Variants in PCSK2 observed in about 807,000 individuals in gnomAD.
The protein encoded by PCSK2 is proprotein convertase subtilisin/kexin type 2, also known as neuroendocrine convertase 2.
A neutral mutation model predicts 69.7 loss-of-function variants in PCSK2; 14 were observed. The ratio of observed to expected loss-of-function variants is 0.20; its 90% CI spans 0.13 to 0.31. The LOEUF is 0.31. Among genes scored for constraint, PCSK2 ranks in the 10% least tolerant of loss-of-function variants. The pLI is 1.00. For synonymous variants in PCSK2, 307 were observed against 320.7 expected, an observed-to-expected ratio of 0.96 and a Z score of 0.46; for missense variants, 544 against 842.5, an observed-to-expected ratio of 0.65 and a Z score of 4.39.
chr20:17,402,730 G>A (rs2123291373), intron 5 of PCSK2, among the ~76,000 whole-genome samples: 1 of 151,480 alleles, frequency 6.6e-6, no homozygotes, highest in East Asian at 1.9e-4. Context: ...CAAGGCGGGT[G>A]GATCACGAGG....
intron 2 of PCSK2, among the ~76,000 whole-genome samples, chr20:17,328,347 C>T (rs1020394880): frequency 2.7e-5 from 4 of 148,702 alleles, no homozygotes; most frequent in Admixed American, 6.7e-5. Flanking sequence ...GTTACACATA[C>T]CATATGCAAT....
intron 4 of PCSK2, among the ~76,000 whole-genome samples, chr20:17,363,853 A>T (rs1568619208): frequency 6.6e-6 from 1 of 152,236 alleles, no homozygotes; most frequent in Non-Finnish European, 1.5e-5. Context: ...TGGTATTATT[A>T]TAATCGCCAT....
rs141243999 is a variant in PCSK2 at position 17,436,221 on chromosome 20, G to A, written c.710-487G>A. On this transcript the variant is annotated intron_variant, in intron 7 of 11. Transcript: ENST00000262545. ...GAGTTCCTCTTTCCTGACCCCACCCGCTCCTGCACTGCCCCTGCCCCTCTC... is the reference window on the plus strand; with the variant it reads ...GAGTTCCTCTTTCCTGACCCCACCCACTCCTGCACTGCCCCTGCCCCTCTC... 4.6e-3 allele frequency among the ~76,000 whole-genome samples: 705 copies of A among 152,030 alleles called. 15 individuals carry two copies. Among genetic ancestry groups the A allele is most frequent in the East Asian group, 0.035 (178 of 5,154 alleles).
chr20:17,381,652 A>G (rs1003353757), intron 5 of PCSK2, among the ~76,000 whole-genome samples: 1 of 152,208 alleles, frequency 6.6e-6, no homozygotes. Flanking sequence ...CATATGGCTG[A>G]TATGAACACT....
At chr20:17,411,228 C>A (rs1285144862) in intron 6 of PCSK2, among the ~76,000 whole-genome samples, 1 of 152,196 alleles carries the variant, frequency 6.6e-6, no homozygotes, top group Admixed American at 6.5e-5. Context: ...CTCATTGGGA[C>A]TAGTTGGACA....
At chr20:17,238,543 T>A (rs77003882) in intron 1 of PCSK2, among the ~76,000 whole-genome samples, 1,964 of 152,276 alleles carry the variant, frequency 0.013, 44 homozygotes, top group East Asian at 0.12. Flanking sequence ...CAAAAAGCAT[T>A]TGAGCCTTGT....
intron 7 of PCSK2, among the ~76,000 whole-genome samples, chr20:17,431,202 G>A (rs1490044943): frequency 6.6e-6 from 1 of 152,148 alleles, no homozygotes; most frequent in African/African-American, 2.4e-5. Flanking sequence ...CAGGGGCCCC[G>A]TCCTGCAGGT....
intron 2 of PCSK2, among the ~76,000 whole-genome samples, chr20:17,315,934 G>A (rs959852146): frequency 3.3e-5 from 5 of 152,172 alleles, no homozygotes; most frequent in Non-Finnish European, 7.3e-5. Flanking sequence ...CACTCCCCAG[G>A]GTTAAAAATT....
intron 5 of PCSK2, among the ~76,000 whole-genome samples, chr20:17,372,101 A>G (rs189370760): frequency 2.0e-5 from 3 of 152,302 alleles, no homozygotes; most frequent in Admixed American, 2.0e-4. Context: ...ACTCAGTCAA[A>G]GGAAGAACTG....
At chr20:17,456,530 T>C in intron 10 of PCSK2, 82 bp downstream of exon 10, 2 of 776,142 alleles carry the variant, frequency 2.6e-6, no homozygotes, top group South Asian at 3.1e-5. Flanking sequence ...CAGGTGTCCA[T>C]GGAGGGAAAA....
chr20:17,297,223 C>T (rs1988923816), intron 2 of PCSK2, among the ~76,000 whole-genome samples: 2 of 152,128 alleles, frequency 1.3e-5, no homozygotes, highest in South Asian at 2.1e-4. Context: ...AAGCAGAGAG[C>T]GATACAGAAC....
chr20:17,246,910 C>T (rs1986792017), intron 1 of PCSK2, among the ~76,000 whole-genome samples: 1 of 152,126 alleles, frequency 6.6e-6, no homozygotes, highest in South Asian at 2.1e-4. Context: ...TAAAATCACT[C>T]TGGAAGTTGT....
At chr20:17,463,025 G>A (rs1251225117) in intron 10 of PCSK2, among the ~76,000 whole-genome samples, 1 of 152,174 alleles carries the variant, frequency 6.6e-6, no homozygotes, top group African/African-American at 2.4e-5. Flanking sequence ...TATGCAAATA[G>A]CAGGTCAAAC....
intron 2 of PCSK2, among the ~76,000 whole-genome samples, chr20:17,341,941 C>T (rs187180432): frequency 9.7e-4 from 148 of 152,316 alleles, no homozygotes; most frequent in African/African-American, 3.5e-3. Flanking sequence ...CCAATCCTGT[C>T]CAGCCTGCTT....
At chr20:17,260,724 C>T (rs1987348830) in intron 2 of PCSK2, among the ~76,000 whole-genome samples, 1 of 152,158 alleles carries the variant, frequency 6.6e-6, no homozygotes, top group South Asian at 2.1e-4. Context: ...AATCCACATG[C>T]TCAGAGGAGG....
At chr20:17,384,842 G>A (rs993327638) in intron 5 of PCSK2, among the ~76,000 whole-genome samples, 1 of 151,840 alleles carries the variant, frequency 6.6e-6, no homozygotes, top group African/African-American at 2.4e-5. Flanking sequence ...GAGACGGGAG[G>A]ATCTATTGAG....
chr20:17,471,978 G>A (rs1011107172), intron 11 of PCSK2, among the ~76,000 whole-genome samples: 4 of 152,232 alleles, frequency 2.6e-5, no homozygotes, highest in Non-Finnish European at 4.4e-5. Flanking sequence ...TAATCTTCCC[G>A]GAGATGGAGT....
intron 4 of PCSK2, among the ~76,000 whole-genome samples, chr20:17,363,778 G>C (rs1202142316): frequency 1.3e-5 from 2 of 152,184 alleles, no homozygotes; most frequent in East Asian, 3.8e-4. Context: ...CATTTATTGA[G>C]TAATCACTAT....
chr20:17,300,744 C>T (rs1989053418), intron 2 of PCSK2, among the ~76,000 whole-genome samples: 1 of 152,058 alleles, frequency 6.6e-6, no homozygotes, highest in Middle Eastern at 3.2e-3. Context: ...ACAATAAAGT[C>T]CAAGATAATT....
Sources: allele counts gnomAD v4.1 joint callset (sites outside exome capture counted in the v4.1 genomes callset), GRCh38; gene constraint gnomAD v4.1.1; transcripts MANE v1.5; gene names NCBI Gene and HGNC (gene_info 2026-07-23, HGNC 2026-07-21).